Variants in PRRC2B observed in about 807,000 individuals in gnomAD.
PRRC2B encodes the protein protein PRRC2B.
In PRRC2B, 68 loss-of-function variants were observed where a neutral mutation model predicts 242.3. The observed-to-expected ratio is 0.28, with a 90% CI of 0.23 to 0.34. PRRC2B has a LOEUF of 0.34. Among genes scored for constraint, PRRC2B ranks in the 10% least tolerant of loss-of-function variants. PRRC2B has a pLI of 1.00. For synonymous variants in PRRC2B, 1,228 were observed against 1,173.6 expected (o/e 1.05, Z -0.95); for missense variants, 2,835 against 2,954.8 (o/e 0.96, Z 0.94).
rs1944292071 is a variant in PRRC2B, at chr9:131,494,992, G to A, written c.6555+506G>A. Among the ~76,000 whole-genome samples the A allele has an allele frequency of 1.3e-5, 2 of 152,198 alleles. No homozygotes were observed. Among genetic ancestry groups the A allele is most frequent in the Non-Finnish European group, 2.9e-5 (2 of 68,046 alleles). ...ATTCTCTAAAACGTGCTGGGGCTCA[G>A]AGCTTAAGCCCCTCAGACGTGGGTT... is the stretch of plus-strand genomic sequence containing the variant. On this transcript the variant is annotated intron_variant, in intron 31 of 31. Transcript: ENST00000683519. The surrounding 1 kb of genome is among the most constrained non-coding windows in gnomAD (Gnocchi z 4.3).
intron 13 of PRRC2B, among the ~76,000 whole-genome samples, chr9:131,468,774 G>A (rs1943462199): frequency 6.6e-6 from 1 of 152,150 alleles, no homozygotes; most frequent in Admixed American, 6.5e-5. Flanking sequence ...AGGACTTAAG[G>A]CTTTTCCCAG....
intron 1 of PRRC2B, among the ~76,000 whole-genome samples, chr9:131,426,358 A>C (rs1588243937): frequency 6.8e-6 from 1 of 147,190 alleles, no homozygotes; most frequent in Middle Eastern, 3.5e-3. Flanking sequence ...AAAAAAAAAA[A>C]AAGAAAAAGA....
In PRRC2B at chr9:131,430,193, A is replaced by G. The variant is rs769181548; in HGVS notation, c.49A>G (p.Lys17Glu). Residue 17 changes from lysine (K) to glutamate (E), a missense_variant, in exon 2 of 32, where the codon AAG becomes GAG. Physicochemically the swap from Lys to Glu is moderately conservative, Grantham distance 56. Coordinates refer to ENST00000683519, the MANE Select transcript of PRRC2B (RefSeq NM_013318.4). ...TACCAAGGGCAAGGATGGGAAAAGC[A>G]AGTACTCGACTCTCAGCCTGTTTGA... ...QITKGKDGKS[K>E]YSTLSLFDKY... 6.2e-7 allele frequency: 1 copy of G among 1,608,778 alleles called. No homozygotes were observed. Among genetic ancestry groups the G allele is most frequent in the Non-Finnish European group, 8.5e-7 (1 of 1,177,636 alleles).
At chr9:131,398,290 G>A (rs1400203651) in intron 1 of PRRC2B, among the ~76,000 whole-genome samples, 1 of 152,224 alleles carries the variant, frequency 6.6e-6, no homozygotes, top group African/African-American at 2.4e-5. Flanking sequence ...TGAGCCAGAA[G>A]TTGTGGTTGA....
At chr9:131,413,568 G>A (rs1362579144) in intron 1 of PRRC2B, among the ~76,000 whole-genome samples, 1 of 152,174 alleles carries the variant, frequency 6.6e-6, no homozygotes, top group Non-Finnish European at 1.5e-5. Context: ...TGCTCTCACT[G>A]TGTTGCCCAG....
At chr9:131,435,858 T>A (rs1360301333) in intron 3 of PRRC2B, among the ~76,000 whole-genome samples, 1 of 152,188 alleles carries the variant, frequency 6.6e-6, no homozygotes, top group Non-Finnish European at 1.5e-5. Context: ...AATACTGTAT[T>A]CCTGCAGTGT....
Position 131,484,588 on chromosome 9 carries a change from A to T in PRRC2B, c.5461-98A>T, listed in dbSNP as rs1943961525. The T allele has an allele frequency of 4.3e-6, 4 of 932,502 alleles. No individual in the cohort carries two copies. In the South Asian group the frequency reaches 5.1e-5, roughly 12 times the overall value. The allele number at this position is 932,502 out of a possible 1,614,324, so 57.8% of individuals were successfully genotyped here. A position where few individuals can be genotyped will look rare whatever the true frequency, so the allele number is the denominator to read the frequency against. On this transcript the variant is annotated intron_variant, in intron 23 of 31. Transcript: ENST00000683519. ...TTGGGCAAGTCATAGATACATTTGG[A>T]CGAGCCTTGAGTGTGTTCAGGAGAG...
chr9:131,387,130 T>A (rs1370879707), intron 1 of PRRC2B, among the ~76,000 whole-genome samples: 1 of 149,994 alleles, frequency 6.7e-6, no homozygotes, highest in East Asian at 2.0e-4. Flanking sequence ...TCCTCCCAAG[T>A]AGCTGGGATT....
intron 1 of PRRC2B, among the ~76,000 whole-genome samples, chr9:131,388,027 C>T (rs116409063): frequency 0.027 from 4,088 of 149,780 alleles, 252 homozygotes; most frequent in African/African-American, 0.091. Context: ...CCCATCTCTA[C>T]CTAAAATACA....
rs183140922 is a variant in PRRC2B, at chr9:131,459,869, C to T, written c.1404+513C>T. Among the ~76,000 whole-genome samples, 268 of 151,146 alleles carry T rather than the reference C, an allele frequency of 1.8e-3. 5 individuals are homozygous for T. The highest frequency in any genetic ancestry group is 1.1e-3 in the Non-Finnish European group (75 of 67,888). On this transcript the variant is annotated intron_variant, in intron 11 of 31. Coordinates refer to ENST00000683519, the MANE Select transcript of PRRC2B (RefSeq NM_013318.4). ...TTATAGTTAAAAAAAATTAAAACAGCCAGGCATGGTGGCTCACACAGTTTG... is the reference window on the plus strand; with the variant it reads ...TTATAGTTAAAAAAAATTAAAACAGTCAGGCATGGTGGCTCACACAGTTTG...
chr9:131,397,563 G>GTTTTTTTTTTTTTT (rs58424444), intron 1 of PRRC2B, among the ~76,000 whole-genome samples: 5 of 98,990 alleles, frequency 5.1e-5, no homozygotes, highest in Non-Finnish European at 7.7e-5. Flanking sequence ...ACTTTTGAGG[G>GTTTTTTTTTTTTTT]TTTTTTTTTT....
At chr9:131,402,938 G>A (rs1250724071) in intron 1 of PRRC2B, among the ~76,000 whole-genome samples, 6 of 152,182 alleles carry the variant, frequency 3.9e-5, no homozygotes, top group African/African-American at 1.2e-4. Context: ...CTGTGCCTCC[G>A]GGAAGCCGGC....
chr9:131,490,496 G>A, intron 28 of PRRC2B: 1 of 519,168 alleles, frequency 1.9e-6, no homozygotes, highest in Non-Finnish European at 3.8e-6. Flanking sequence ...TCTCAGTGAT[G>A]TAATTCCAAT....
At chr9:131,429,315 A>G (rs2131321128) in intron 1 of PRRC2B, among the ~76,000 whole-genome samples, 1 of 152,192 alleles carries the variant, frequency 6.6e-6, no homozygotes, top group South Asian at 2.1e-4. Context: ...GGAGAGCACT[A>G]GTAGACTCAT....
intron 28 of PRRC2B, among the ~76,000 whole-genome samples, chr9:131,489,760 C>A (rs778821770): frequency 1.3e-5 from 2 of 152,210 alleles, no homozygotes; most frequent in Non-Finnish European, 2.9e-5. Context: ...GGGGGCCCTG[C>A]CCCAGCACAT....
chr9:131,437,203 G>A (rs1057080479), intron 4 of PRRC2B, among the ~76,000 whole-genome samples: 1 of 152,204 alleles, frequency 6.6e-6, no homozygotes, highest in African/African-American at 2.4e-5. Context: ...AATACCTAAT[G>A]TGACTCTCTG....
At chr9:131,408,195 T>TCTC (rs1837417161) in intron 1 of PRRC2B, among the ~76,000 whole-genome samples, 1 of 152,238 alleles carries the variant, frequency 6.6e-6, no homozygotes, top group Non-Finnish European at 1.5e-5. Context: ...GTAATTTACC[T>TCTC]AATGAGAGGT....
intron 25 of PRRC2B, 48 bp downstream of exon 25, chr9:131,485,188 T>C: frequency 2.1e-6 from 3 of 1,451,130 alleles, no homozygotes; most frequent in African/African-American, 1.4e-5. Flanking sequence ...CCATTTATTA[T>C]CAAGAAAAAC....
At chr9:131,374,917 G>A (rs1055110514) in intron 1 of PRRC2B, among the ~76,000 whole-genome samples, 3 of 151,766 alleles carry the variant, frequency 2.0e-5, no homozygotes, top group African/African-American at 7.3e-5. Flanking sequence ...CCTCCCCAGG[G>A]TACCACTGCC....
Sources: gnomAD v4.1 joint callset for allele counts (sites outside exome capture counted in the v4.1 genomes callset) on GRCh38, gnomAD v4.1.1 for gene constraint, Gnocchi (gnomAD v3.1) non-coding constraint, MANE v1.5 for transcripts, NCBI Gene and HGNC (gene_info 2026-07-23, HGNC 2026-07-21) for gene names.